The following TRAPPC9 variants were observed in gnomAD, a reference collection of about 807,000 sequenced individuals.
The protein encoded by TRAPPC9 is IKK2 binding protein.
Under a neutral mutation model 124.0 loss-of-function variants are expected in TRAPPC9, and 83 were observed. The ratio of observed to expected loss-of-function variants is 0.67; its 90% CI spans 0.56 to 0.80. The LOEUF is 0.80. TRAPPC9 is among the 30% of genes least tolerant of loss of function. The pLI is 0.00. For synonymous variants in TRAPPC9, 638 were observed against 617.5 expected (o/e 1.03, Z -0.49); for missense variants, 1,302 against 1,508.3 (o/e 0.86, Z 2.27).
At chr8:140,256,154 T>C (rs1490666797) in intron 15 of TRAPPC9, among the ~76,000 whole-genome samples, 1 of 152,216 alleles carries the variant, frequency 6.6e-6, no homozygotes, top group African/African-American at 2.4e-5. Flanking sequence ...AACAGGCTAC[T>C]GAATTCTCTG....
chr8:140,247,123 A>G (rs1442639598), intron 16 of TRAPPC9, among the ~76,000 whole-genome samples: 1 of 152,268 alleles, frequency 6.6e-6, no homozygotes, highest in Non-Finnish European at 1.5e-5. Flanking sequence ...TAGCTATACA[A>G]GCAACGATAT....
intron 21 of TRAPPC9, among the ~76,000 whole-genome samples, chr8:139,794,542 G>A (rs1586856568): frequency 1.3e-5 from 2 of 152,156 alleles, no homozygotes; most frequent in African/African-American, 4.8e-5. Flanking sequence ...CACAACAGAC[G>A]CTGGGCCCAC....
At chr8:140,338,232 C>T (rs913984091) in intron 9 of TRAPPC9, among the ~76,000 whole-genome samples, 12 of 152,142 alleles carry the variant, frequency 7.9e-5, no homozygotes, top group Non-Finnish European at 1.3e-4. Context: ...ATTCTGTCCC[C>T]ACGCCATACG....
At position 140,159,748 on chromosome 8, in the gene TRAPPC9, A is replaced by G. The variant is rs577470389; in HGVS notation, c.2556+61711T>C. On this transcript the variant is annotated intron_variant, in intron 17 of 22. Transcript: ENST00000438773. ...AACAGGCCTTGTGTAAGGTGCCCACAGTGGTGCAAAGCACTGTTTCATGAG... is the reference window on the plus strand; with the variant it reads ...AACAGGCCTTGTGTAAGGTGCCCACGGTGGTGCAAAGCACTGTTTCATGAG... 2.6e-5 allele frequency among the ~76,000 whole-genome samples: 4 copies of G among 152,302 alleles called. No individual in the cohort carries two copies. In the East Asian group the frequency reaches 7.7e-4, roughly 29 times the overall value.
chr8:139,810,576 C>T (rs1824372310), intron 21 of TRAPPC9, among the ~76,000 whole-genome samples: 1 of 152,156 alleles, frequency 6.6e-6, no homozygotes, highest in Non-Finnish European at 1.5e-5. Flanking sequence ...CTGCGTAAAG[C>T]TCTCCTCCTT....
At chr8:140,102,278 T>C (rs891474926) in intron 17 of TRAPPC9, among the ~76,000 whole-genome samples, 2 of 152,216 alleles carry the variant, frequency 1.3e-5, no homozygotes, top group African/African-American at 2.4e-5. Context: ...TTTAAAAATA[T>C]GTCTAATGTG....
intron 17 of TRAPPC9, among the ~76,000 whole-genome samples, chr8:140,042,994 A>G (rs368032683): frequency 1.3e-5 from 2 of 152,214 alleles, no homozygotes; most frequent in African/African-American, 4.8e-5. Context: ...CTTCCCTACC[A>G]AACTGTTTTT....
chr8:139,839,048 C>T (rs896159637), intron 21 of TRAPPC9, among the ~76,000 whole-genome samples: 2 of 152,200 alleles, frequency 1.3e-5, no homozygotes, highest in Middle Eastern at 3.2e-3. Flanking sequence ...TCCTGAATAA[C>T]GCCAGACGGT....
chr8:139,773,210 G>A lies in TRAPPC9; in HGVS notation c.3056-41008C>T, dbSNP rs577688711. On this transcript the variant is annotated intron_variant, in intron 21 of 22. Transcript: ENST00000438773. The stretch of plus-strand genomic sequence containing the variant: ...TTAGTCACCCAGCAGGACGCCTGGC[G>A]CGCCCAGGTCTCTGCCTCTGTCCCT... 5.3e-5 allele frequency among the ~76,000 whole-genome samples: 8 copies of A among 152,366 alleles called. No individual in the cohort carries two copies. The East Asian group carries it at 5.8e-4, about 11-fold the overall frequency.
chr8:139,736,346 C>T (rs774509265), intron 21 of TRAPPC9, among the ~76,000 whole-genome samples: 1 of 152,192 alleles, frequency 6.6e-6, no homozygotes, highest in Non-Finnish European at 1.5e-5. Flanking sequence ...CGGTGGGTCA[C>T]ATTACCCCGA....
rs139470674 is a variant in TRAPPC9, at chr8:140,032,052, G to A, written c.2557-7973C>T. ...CCACAGCAGTGCAGAGGGCCGCCAC[G>A]TCCTACCTGCACTTACGCTCCAGCC... On this transcript the variant is annotated intron_variant, in intron 17 of 22. Coordinates refer to ENST00000438773, the MANE Select transcript of TRAPPC9 (RefSeq NM_001160372.4). 7.9e-3 allele frequency among the ~76,000 whole-genome samples: 1,206 copies of A among 152,324 alleles called. 7 individuals carry two copies. The highest frequency in any genetic ancestry group is 0.012 in the Non-Finnish European group (825 of 68,032).
At chr8:139,731,900 A>G in intron 22 of TRAPPC9, 79 bp downstream of exon 22, 1 of 1,375,818 alleles carries the variant, frequency 7.3e-7, no homozygotes, top group Non-Finnish European at 1.0e-6. Flanking sequence ...TGCTGACCCC[A>G]AAGCCCACCA....
intron 13 of TRAPPC9, among the ~76,000 whole-genome samples, chr8:140,284,617 G>A (rs766505147): frequency 6.6e-6 from 1 of 152,138 alleles, no homozygotes; most frequent in Non-Finnish European, 1.5e-5. Context: ...CTTTAAAATG[G>A]CTTTTGAAAT....
At chr8:140,095,396 T>C (rs1554622539) in intron 17 of TRAPPC9, 1 of 152,236 alleles carries the variant, frequency 6.6e-6, no homozygotes, top group Non-Finnish European at 1.5e-5. Flanking sequence ...GTTAGAAAGC[T>C]GATGACCGGC....
At chr8:139,826,131 TG>T (rs1281082148) in intron 21 of TRAPPC9, among the ~76,000 whole-genome samples, 1 of 152,172 alleles carries the variant, frequency 6.6e-6, no homozygotes. Context: ...GGAGCCTCGT[TG>T]GTTCTCCCAG....
In TRAPPC9 at chr8:140,195,459, A is replaced by G. The variant is rs2062627613; in HGVS notation, c.2556+26000T>C. Among the ~76,000 whole-genome samples, 2 of 151,990 alleles carry G rather than the reference A, an allele frequency of 1.3e-5. 1 individual carries two copies. The highest frequency in any genetic ancestry group is 1.3e-4 in the Admixed American group (2 of 15,268). ...CTCGACAATCCACCGTACAGCTCGC[A>G]CCTGTGACACTAAAACAATGATCCA... On this transcript the variant is annotated intron_variant, in intron 17 of 22. Coordinates refer to ENST00000438773, the MANE Select transcript of TRAPPC9 (RefSeq NM_001160372.4).
intron 1 of TRAPPC9, among the ~76,000 whole-genome samples, chr8:140,453,311 ATT>A (rs1381846442): frequency 2.0e-5 from 3 of 152,064 alleles, no homozygotes; most frequent in African/African-American, 4.8e-5. Context: ...TGCATTTTTA[ATT>A]TTGTTTTCTT....
At chr8:140,264,414 T>C (rs2064545300) in intron 15 of TRAPPC9, among the ~76,000 whole-genome samples, 1 of 152,188 alleles carries the variant, frequency 6.6e-6, no homozygotes, top group Non-Finnish European at 1.5e-5. Context: ...GGCCTTATGC[T>C]GACTCTACTA....
chr8:139,849,406 C>A (rs1157820686), intron 21 of TRAPPC9, among the ~76,000 whole-genome samples: 1 of 152,222 alleles, frequency 6.6e-6, no homozygotes, highest in Non-Finnish European at 1.5e-5. Flanking sequence ...CCGCTGTGTG[C>A]CAGATACCAG....
Sources: allele counts gnomAD v4.1 joint callset (sites outside exome capture counted in the v4.1 genomes callset), GRCh38; gene constraint gnomAD v4.1.1; transcripts MANE v1.5; gene names NCBI Gene and HGNC (gene_info 2026-07-23, HGNC 2026-07-21).